PCSK6: variants seen among roughly 807,000 people sequenced by gnomAD.
PCSK6 encodes proprotein convertase subtilisin/kexin type 6, also known as paired basic amino acid cleaving enzyme 4.
PCSK6 carries 85 observed loss-of-function variants against 123.3 expected under a neutral mutation model. The ratio of observed to expected loss-of-function variants is 0.69; its 90% CI spans 0.58 to 0.83. PCSK6 has a LOEUF of 0.83. Among genes scored for constraint, PCSK6 ranks in the 40% least tolerant of loss-of-function variants. The pLI, the probability that PCSK6 is intolerant of heterozygous loss-of-function variation, is 0.00. For synonymous variants in PCSK6, 508 were observed against 516.0 expected, an observed-to-expected ratio of 0.98 and a Z score of 0.21; for missense variants, 1,191 against 1,282.3, an observed-to-expected ratio of 0.93 and a Z score of 1.09.
rs991143390 is a variant in PCSK6, at chr15:101,398,220, C to T, written c.996+184G>A. ...AACGAGGCAAAAACACTTCTGCTCT[C>T]GCCGGTCAAGAGCCACTTCTCAGAC... On this transcript the variant is annotated intron_variant, in intron 7 of 21. Transcript: ENST00000611716. This position sits in a 1 kb window ranked among gnomAD's most constrained non-coding sequence, Gnocchi z 4.6. Among the ~76,000 whole-genome samples, 1 of 152,214 alleles carries T rather than the reference C, an allele frequency of 6.6e-6. No homozygotes were observed. Among genetic ancestry groups the T allele is most frequent in the Non-Finnish European group, 1.5e-5 (1 of 68,038 alleles).
In PCSK6 at chr15:101,427,992, G is replaced by T; in HGVS notation, c.735-12C>A. ...AACGAGTGCCGTGTCTGAAACAAAGGAAAAAACCAAGTGAGGACGCAGCCC... is the reference window on the plus strand; with the variant it reads ...AACGAGTGCCGTGTCTGAAACAAAGTAAAAAACCAAGTGAGGACGCAGCCC... On this transcript the variant is annotated splice_polypyrimidine_tract_variant and intron_variant, in intron 5 of 21. Transcript: ENST00000611716. The T allele has an allele frequency of 6.4e-7, 1 of 1,561,098 alleles. No homozygotes were observed.
chr15:101,486,897 G>C (rs964112486), intron 1 of PCSK6, among the ~76,000 whole-genome samples: 4 of 152,186 alleles, frequency 2.6e-5, no homozygotes, highest in Non-Finnish European at 4.4e-5. Context: ...CAGAGAATAC[G>C]GCAGAAGCAA....
At chr15:101,335,691 A>T (rs527699837) in intron 13 of PCSK6, among the ~76,000 whole-genome samples, 1 of 152,218 alleles carries the variant, frequency 6.6e-6, no homozygotes, top group Non-Finnish European at 1.5e-5. Context: ...TTGTTTACTT[A>T]AACAATCCCC....
intron 13 of PCSK6, chr15:101,365,011 GT>G (rs2041347671): frequency 7.7e-6 from 6 of 777,688 alleles, no homozygotes; most frequent in Non-Finnish European, 1.4e-5. Context: ...CTCTTCTGTG[GT>G]CAGTTGATTT....
chr15:101,435,021 C>A (rs947594639), intron 2 of PCSK6, among the ~76,000 whole-genome samples: 3 of 152,172 alleles, frequency 2.0e-5, no homozygotes, highest in African/African-American at 7.2e-5. Context: ...GTGTGTCTGG[C>A]GCTAGGTTCT....
chr15:101,344,124 T>C (rs11247281), intron 13 of PCSK6, among the ~76,000 whole-genome samples: 24,651 of 152,152 alleles, frequency 0.16, 2,149 homozygotes, highest in Middle Eastern at 0.23. Context: ...TTCTGTTGTT[T>C]GGCACAGTGT....
In PCSK6 at chr15:101,393,292, A is replaced by G. The variant is rs755486644; in HGVS notation, c.1129T>C (p.Tyr377His). The G allele has an allele frequency of 3.7e-6, 6 of 1,612,734 alleles. 1 individual carries two copies. The South Asian group carries it at 5.5e-5, about 15-fold the overall frequency. The stretch of plus-strand genomic sequence containing the variant: ...CACTCTTCCAGGTACCAGGGCTTGT[A>G]GCCATTCTCGGTGGCGCTGCTGACG... ...ISVSSATENG[Y>H]KPWYLEECAS... Residue 377 changes from tyrosine (Y) to histidine (H), a missense_variant, in exon 8 of 22, where the codon TAC becomes CAC. This residue lies in a region of PCSK6 where 357 missense variants were observed against 484.5 expected (regional missense o/e 0.74). Transcript: ENST00000611716.
chr15:101,368,557 G>A (rs1223074179), intron 12 of PCSK6, among the ~76,000 whole-genome samples: 2 of 152,202 alleles, frequency 1.3e-5, no homozygotes, highest in Non-Finnish European at 2.9e-5. Context: ...CCGCCTGCCT[G>A]CTACCTGCTG....
In PCSK6 at chr15:101,331,674, C is replaced by T. The variant is rs2040373257; in HGVS notation, c.2054G>A (p.Gly685Asp). 2 of 1,613,502 alleles carry T rather than the reference C, an allele frequency of 1.2e-6. No homozygotes were observed. Among genetic ancestry groups the T allele is most frequent in the African/African-American group, 1.3e-5 (1 of 74,908 alleles). The change falls in exon 15 of 22, where the codon GGC becomes GAC. Residue 685 changes from glycine to aspartate, a missense_variant. This residue lies in a region of PCSK6 where 630 missense variants were observed against 631.4 expected (regional missense o/e 1.00). Transcript: ENST00000611716. ...EEDYTAQSTP[G>D]SANILQTSVC... ...ACTGGTCTGTAAAATATTAGCAGAG[C>T]CTGGGGTGGATTGAGCTGTGTGAGT...
At chr15:101,413,985 AG>A (rs1332175233) in intron 6 of PCSK6, among the ~76,000 whole-genome samples, 2 of 152,212 alleles carry the variant, frequency 1.3e-5, no homozygotes, top group African/African-American at 2.4e-5. Context: ...TGAAAGTAAA[AG>A]GATGGAAAAA....
intron 1 of PCSK6, among the ~76,000 whole-genome samples, chr15:101,466,247 G>A (rs1048466181): frequency 6.6e-6 from 1 of 152,118 alleles, no homozygotes; most frequent in Non-Finnish European, 1.5e-5. Context: ...CTAAAAAAGA[G>A]ACACAAATGA....
intron 13 of PCSK6, among the ~76,000 whole-genome samples, chr15:101,357,127 G>T (rs1330340825): frequency 6.6e-6 from 1 of 152,146 alleles, no homozygotes; most frequent in East Asian, 1.9e-4. Flanking sequence ...AGATTGAAAT[G>T]AACACCACAG....
At chr15:101,411,500 C>G (rs2055683567) in intron 6 of PCSK6, among the ~76,000 whole-genome samples, 1 of 152,198 alleles carries the variant, frequency 6.6e-6, no homozygotes, top group Admixed American at 6.5e-5. Flanking sequence ...CAACCACCCA[C>G]AGCCACATGG....
Position 101,316,677 on chromosome 15 carries a change from G to C in PCSK6, c.2569+1642C>G, listed in dbSNP as rs2039995608. Among the ~76,000 whole-genome samples, 3 of 152,226 alleles carry C rather than the reference G, an allele frequency of 2.0e-5. No homozygotes were observed. The South Asian group carries it at 6.2e-4, about 32-fold the overall frequency. Reference sequence around the variant, plus strand: ...TGTGGCCTTGAGGGCTGCCCCAGGAGGGAACTGAGGAGGACATGTCTCCCC... The same window carrying C: ...TGTGGCCTTGAGGGCTGCCCCAGGACGGAACTGAGGAGGACATGTCTCCCC... On this transcript the variant is annotated intron_variant, in intron 19 of 21. Transcript: ENST00000611716.
intron 15 of PCSK6, among the ~76,000 whole-genome samples, chr15:101,330,186 C>T (rs1467977173): frequency 4.6e-5 from 7 of 152,252 alleles, no homozygotes; most frequent in Admixed American, 4.6e-4. Flanking sequence ...GCAGCTGCTG[C>T]CCTTTCTCCC....
intron 1 of PCSK6, among the ~76,000 whole-genome samples, chr15:101,469,775 C>G (rs1158362135): frequency 2.6e-5 from 4 of 152,198 alleles, no homozygotes; most frequent in African/African-American, 9.7e-5. Context: ...CCTTTTCCAT[C>G]CTAAGCTTTT....
chr15:101,329,135 C>T (rs919032521), intron 15 of PCSK6, among the ~76,000 whole-genome samples: 1 of 152,210 alleles, frequency 6.6e-6, no homozygotes, highest in South Asian at 2.1e-4. Context: ...AACAGCCTGG[C>T]TAGCGGCTGA....
At chr15:101,306,063 C>T (rs529001838) in intron 21 of PCSK6, among the ~76,000 whole-genome samples, 2 of 138,424 alleles carry the variant, frequency 1.4e-5, no homozygotes, top group South Asian at 2.6e-4. Context: ...TAGGGGAGGC[C>T]GGAGGACGGG....
In PCSK6 at chr15:101,331,844, C is replaced by T. The variant is rs1199738231; in HGVS notation, c.2038+8G>A. ...GCTGGCCGTCTCCTCTTACTTCAGGCTCATTACCTGTGTAATCTTCCTCAT... is the reference window on the plus strand; with the variant it reads ...GCTGGCCGTCTCCTCTTACTTCAGGTTCATTACCTGTGTAATCTTCCTCAT... On this transcript the variant is annotated splice_region_variant and intron_variant, in intron 14 of 21. Coordinates refer to ENST00000611716, the MANE Select transcript of PCSK6 (RefSeq NM_002570.5). 5 of 1,612,000 alleles carry T rather than the reference C, an allele frequency of 3.1e-6. No individual in the cohort carries two copies. The highest frequency in any genetic ancestry group is 4.2e-6 in the Non-Finnish European group (5 of 1,178,628).
Sources: allele counts gnomAD v4.1 joint callset (sites outside exome capture counted in the v4.1 genomes callset), GRCh38; gene constraint gnomAD v4.1.1; regional missense constraint gnomAD v4.1.1; non-coding constraint Gnocchi (gnomAD v3.1); transcripts MANE v1.5; gene names NCBI Gene and HGNC (gene_info 2026-07-23, HGNC 2026-07-21).